Variants in GUCY1A2 observed in about 807,000 individuals in gnomAD.
GUCY1A2 encodes guanylate cyclase soluble subunit alpha-2.
In GUCY1A2, 27 loss-of-function variants were observed where a neutral mutation model predicts 63.5. The ratio of observed to expected loss-of-function variants is 0.43; its 90% confidence interval spans 0.31 to 0.59. GUCY1A2 has a LOEUF of 0.59. Among genes scored for constraint, GUCY1A2 ranks in the 20% least tolerant of loss-of-function variants. The pLI, the probability that GUCY1A2 is intolerant of heterozygous loss-of-function variation, is 0.11. For missense variants in GUCY1A2, 768 were observed against 913.3 expected (o/e 0.84, Z 2.05); for synonymous variants, 364 against 343.5 (o/e 1.06, Z -0.66).
In GUCY1A2 at chr11:106,699,977, G is replaced by A. The variant is rs1399575583; in HGVS notation, c.1991+8535C>T. Among the ~76,000 whole-genome samples the A allele has an allele frequency of 2.0e-5, 3 of 151,740 alleles. No individual in the cohort carries two copies. In the East Asian group the frequency reaches 5.8e-4, roughly 29 times the overall value. ...CTTTTGTATTTTTAGTAGAGACGGG[G>A]TTTCACCATGTTAGCCAGGATGGTC... On this transcript the variant is annotated intron_variant, in intron 7 of 7. Transcript: ENST00000526355.
intron 3 of GUCY1A2, among the ~76,000 whole-genome samples, chr11:106,941,653 T>G (rs1372818617): frequency 6.6e-6 from 1 of 152,222 alleles, no homozygotes; most frequent in East Asian, 1.9e-4. Context: ...TTCCTACCTT[T>G]ATCATTCCCT....
chr11:106,705,144 A>AAAAT (rs1469329105), intron 7 of GUCY1A2, among the ~76,000 whole-genome samples: 1 of 152,134 alleles, frequency 6.6e-6, no homozygotes, highest in African/African-American at 2.4e-5. Flanking sequence ...TAAAAAATAG[A>AAAAT]AAATATACCG....
At chr11:106,881,385 T>C (rs1859821370) in intron 4 of GUCY1A2, among the ~76,000 whole-genome samples, 1 of 152,084 alleles carries the variant, frequency 6.6e-6, no homozygotes, top group Non-Finnish European at 1.5e-5. Flanking sequence ...TTATATTTAC[T>C]ATTTTTGTTT....
intron 2 of GUCY1A2, among the ~76,000 whole-genome samples, chr11:106,980,706 T>C (rs1358666328): frequency 6.6e-6 from 1 of 152,154 alleles, no homozygotes; most frequent in African/African-American, 2.4e-5. Context: ...AGGGGATGTA[T>C]CCTAGCATGC....
At chr11:106,919,158 T>C (rs1382383387) in intron 4 of GUCY1A2, among the ~76,000 whole-genome samples, 4 of 152,158 alleles carry the variant, frequency 2.6e-5, no homozygotes, top group Admixed American at 6.6e-5. Context: ...GATTATATAT[T>C]GTTATGTTTG....
intron 1 of GUCY1A2, 21 bp downstream of exon 1, chr11:107,017,732 C>G (rs760036277): frequency 1.5e-6 from 2 of 1,346,778 alleles, no homozygotes; most frequent in South Asian, 1.7e-5. Context: ...AAGGCGGTCC[C>G]CCCTTCCGCC....
intron 4 of GUCY1A2, among the ~76,000 whole-genome samples, chr11:106,936,937 G>GTCAAATTTA (rs1467635920): frequency 6.6e-6 from 1 of 152,062 alleles, no homozygotes; most frequent in Non-Finnish European, 1.5e-5. Context: ...TGAAGACAAA[G>GTCAAATTTA]TCAAATTTAT....
intron 4 of GUCY1A2, among the ~76,000 whole-genome samples, chr11:106,847,563 A>C (rs1859293303): frequency 6.6e-6 from 1 of 151,542 alleles, no homozygotes; most frequent in Admixed American, 6.6e-5. Context: ...CAAAGGAAGG[A>C]GAAGGCATTT....
chr11:106,815,648 T>C (rs1179515616), intron 4 of GUCY1A2, among the ~76,000 whole-genome samples: 1 of 151,956 alleles, frequency 6.6e-6, no homozygotes, highest in Non-Finnish European at 1.5e-5. Context: ...TAGATTATCT[T>C]CTCCTCATGA....
intron 1 of GUCY1A2, among the ~76,000 whole-genome samples, chr11:106,989,372 T>A (rs1301130831): frequency 3.9e-5 from 6 of 152,178 alleles, no homozygotes; most frequent in Non-Finnish European, 8.8e-5. Flanking sequence ...AGTTAAATGA[T>A]CTTTTTAATT....
rs1250438551 is a variant in GUCY1A2, at chr11:106,684,889, A to C, written c.*2660T>G. The C allele has an allele frequency of 4.8e-6, 1 of 207,286 alleles. No homozygotes were observed. The highest frequency in any genetic ancestry group is 2.3e-5 in the African/African-American group (1 of 43,916). 12.8% of individuals were successfully genotyped at this position (207,286 alleles called of 1,614,324 possible). ...AAATAACAAATGCCACCACATTGTT[A>C]CAATCACAATTCCTAAGAGAAGAGA... On this transcript the variant is annotated 3_prime_UTR_variant, in exon 8 of 8. Transcript: ENST00000526355.
chr11:107,010,888 C>A (rs1861734316), intron 1 of GUCY1A2, among the ~76,000 whole-genome samples: 1 of 151,914 alleles, frequency 6.6e-6, no homozygotes, highest in Admixed American at 6.6e-5. Context: ...CACCACCACG[C>A]CTGGCTAATT....
intron 3 of GUCY1A2, among the ~76,000 whole-genome samples, chr11:106,967,635 C>T (rs1443498819): frequency 1.3e-5 from 2 of 150,170 alleles, no homozygotes; most frequent in African/African-American, 2.5e-5. Context: ...AGCCAGTAAT[C>T]TAAGCCAGCA....
At chr11:106,851,125 ATTTG>A (rs1257721129) in intron 4 of GUCY1A2, among the ~76,000 whole-genome samples, 2 of 151,362 alleles carry the variant, frequency 1.3e-5, no homozygotes, top group African/African-American at 4.8e-5. Context: ...TTTCTTGGCC[ATTTG>A]TATGTCTCCC....
chr11:106,978,373 C>T (rs1214305528), intron 3 of GUCY1A2, among the ~76,000 whole-genome samples: 1 of 152,206 alleles, frequency 6.6e-6, no homozygotes, highest in Non-Finnish European at 1.5e-5. Context: ...ATGTGAATAT[C>T]TGAAATTGTT....
chr11:106,728,803 ATTTATC>A (rs1382249030), intron 6 of GUCY1A2, among the ~76,000 whole-genome samples: 1 of 152,120 alleles, frequency 6.6e-6, no homozygotes, highest in Non-Finnish European at 1.5e-5. Context: ...GACTATCTCT[ATTTATC>A]TTTATGTAAG....
intron 4 of GUCY1A2, among the ~76,000 whole-genome samples, chr11:106,887,126 T>C (rs1466561271): frequency 6.6e-6 from 1 of 152,042 alleles, no homozygotes; most frequent in Non-Finnish European, 1.5e-5. Context: ...TGTTGCCCCT[T>C]CTTACGATTT....
intron 6 of GUCY1A2, among the ~76,000 whole-genome samples, chr11:106,760,884 G>C (rs1388793099): frequency 6.6e-6 from 1 of 151,978 alleles, no homozygotes; most frequent in Non-Finnish European, 1.5e-5. Context: ...CAGGAACTGA[G>C]GAAAGAATTA....
intron 5 of GUCY1A2, among the ~76,000 whole-genome samples, chr11:106,793,250 T>C (rs562666078): frequency 1.3e-5 from 2 of 152,192 alleles, no homozygotes; most frequent in African/African-American, 4.8e-5. Context: ...GAAAACACAA[T>C]GGAGGAAGAA....
Sources: allele counts gnomAD v4.1 joint callset (sites outside exome capture counted in the v4.1 genomes callset), GRCh38; gene constraint gnomAD v4.1.1; transcripts MANE v1.5; gene names NCBI Gene and HGNC (gene_info 2026-07-23, HGNC 2026-07-21).